ZNF787: variants seen among roughly 807,000 people sequenced by gnomAD.
ZNF787 encodes the protein zinc finger protein 787.
Under a neutral mutation model 16.9 loss-of-function variants are expected in ZNF787, and 7 were observed. The observed-to-expected ratio is 0.42, with a 90% CI of 0.24 to 0.78. The LOEUF is 0.78. Ranked by LOEUF, ZNF787 falls within the 30% of genes least tolerant of loss-of-function variation. The pLI is 0.30. For synonymous variants in ZNF787, 345 were observed against 270.9 expected (o/e 1.27, Z -2.69); for missense variants, 551 against 589.3 (o/e 0.94, Z 0.67).
chr19:56,106,854 A>G (rs527995637), intron 1 of ZNF787, among the ~76,000 whole-genome samples: 1 of 27,628 alleles, frequency 3.6e-5, no homozygotes, highest in African/African-American at 1.4e-4. Context: ...TGGGGCTTCC[A>G]CCTGAGCACC....
intron 1 of ZNF787, among the ~76,000 whole-genome samples, chr19:56,106,848 G>A (rs184903497): frequency 5.0e-5 from 1 of 19,920 alleles, no homozygotes; most frequent in African/African-American, 1.9e-4. Flanking sequence ...GAACAGTGGG[G>A]CTTCCACCTG....
intron 1 of ZNF787, among the ~76,000 whole-genome samples, chr19:56,117,813 C>T (rs1474813576): frequency 1.3e-5 from 2 of 152,236 alleles, no homozygotes; most frequent in Non-Finnish European, 2.9e-5. Flanking sequence ...ACACAGCAGC[C>T]TCAGGAATCC....
At chr19:56,089,871 G>A (rs370665487) in intron 2 of ZNF787, among the ~76,000 whole-genome samples, 104 of 152,260 alleles carry the variant, frequency 6.8e-4, no homozygotes, top group African/African-American at 2.5e-3. Flanking sequence ...CCTGCCCCTG[G>A]GGGCTCTCCC....
chr19:56,088,113 GCT>G lies in ZNF787; in HGVS notation c.1057_1058del (p.Ser353LeufsTer109). 1 of 1,540,908 alleles carries G rather than the reference GCT, an allele frequency of 6.5e-7. No homozygotes were observed. The highest frequency in any genetic ancestry group is 8.7e-7 in the Non-Finnish European group (1 of 1,150,308). On this transcript the variant is annotated frameshift_variant, in exon 3 of 3. Transcript: ENST00000610935. LOFTEE classifies it low-confidence loss of function (END_TRUNC). This position sits in a 1 kb window ranked among gnomAD's most constrained non-coding sequence, Gnocchi z 8.6. ...CCTCCTCCCCGCCCGCGCGGTAGTA[GCT>G]CTGTCCGCAGCTGCTGCAGACCGAG... ...APSVCSSCGQSYYRAGGEEED... is the reference protein window; with the variant it reads ...APSVCSSCGQXYYRAGGEEED...
intron 2 of ZNF787, among the ~76,000 whole-genome samples, chr19:56,097,013 C>T (rs1325188856): frequency 6.6e-6 from 1 of 152,156 alleles, no homozygotes; most frequent in Non-Finnish European, 1.5e-5. Flanking sequence ...GGTTAGGAAG[C>T]GCCAGTCAGC....
In ZNF787 at chr19:56,088,609, C is replaced by A. The variant is rs765130005; in HGVS notation, c.563G>T (p.Ser188Ile). The part of the protein sequence containing the change: ...FVCPRCGRGF[S>I]QPKSLARHLR... ...GTGACGCGCGAGGCTCTTGGGCTGGCTGAAGCCGCGGCCGCAGCGCGGGCA... is the reference window on the plus strand; with the variant it reads ...GTGACGCGCGAGGCTCTTGGGCTGGATGAAGCCGCGGCCGCAGCGCGGGCA... Residue 188 changes from serine (S) to isoleucine (I), a missense_variant, in exon 3 of 3, where the codon AGC becomes ATC. Ser to Ile is a moderately radical substitution (Grantham distance 142). Around this residue, in one of 4 missense-constraint regions of ZNF787, gnomAD observed 392 missense variants for 312.7 expected, o/e 1.25. Coordinates refer to ENST00000610935, the MANE Select transcript of ZNF787 (RefSeq NM_001002836.4). This position sits in a 1 kb window ranked among gnomAD's most constrained non-coding sequence, Gnocchi z 8.6. 1.3e-5 allele frequency: 20 copies of A among 1,520,162 alleles called. No individual in the cohort carries two copies. The African/African-American group carries it at 2.3e-4, about 17-fold the overall frequency. The allele number at this position is 1,520,162 out of a possible 1,614,324, so 94.2% of individuals were successfully genotyped here.
chr19:56,096,705 T>G (rs1318813746), intron 2 of ZNF787, among the ~76,000 whole-genome samples: 2 of 152,004 alleles, frequency 1.3e-5, no homozygotes, highest in Admixed American at 6.6e-5. Flanking sequence ...AGAGTGAGAC[T>G]CCGTCTCAGA....
chr19:56,120,553 G>C (rs1301163607), intron 1 of ZNF787, among the ~76,000 whole-genome samples: 1 of 152,160 alleles, frequency 6.6e-6, no homozygotes, highest in Non-Finnish European at 1.5e-5. Flanking sequence ...CAGAATCCCC[G>C]TAATTACCCG....
At position 56,109,473 on chromosome 19, in the gene ZNF787, T is replaced by C. The variant is rs146393341; in HGVS notation, c.-10-6246A>G. On this transcript the variant is annotated intron_variant, in intron 1 of 2. Coordinates refer to ENST00000610935, the MANE Select transcript of ZNF787 (RefSeq NM_001002836.4). Reference sequence around the variant, plus strand: ...AGAGACAGCTGCACACACCAACCCTTATCTCCCTCAGCCTCCCCAAGGATT... The same window carrying C: ...AGAGACAGCTGCACACACCAACCCTCATCTCCCTCAGCCTCCCCAAGGATT... Among the ~76,000 whole-genome samples, 467 of 152,280 alleles carry C rather than the reference T, an allele frequency of 3.1e-3. 3 individuals carry two copies. Among genetic ancestry groups the C allele is most frequent in the Middle Eastern group, 0.01 (3 of 294 alleles).
At chr19:56,099,741 G>A (rs1288196109) in intron 2 of ZNF787, among the ~76,000 whole-genome samples, 1 of 149,728 alleles carries the variant, frequency 6.7e-6, no homozygotes, top group Admixed American at 6.7e-5. Context: ...GAGAGAGAGA[G>A]AAAGGACGAG....
intron 1 of ZNF787, among the ~76,000 whole-genome samples, chr19:56,120,817 C>A (rs1233189049): frequency 4.7e-5 from 7 of 149,118 alleles, no homozygotes; most frequent in Non-Finnish European, 9.0e-5. Context: ...CCACCCCCGA[C>A]GGCCCGCAGC....
At chr19:56,115,242 G>C (rs2030096805) in intron 1 of ZNF787, among the ~76,000 whole-genome samples, 1 of 152,092 alleles carries the variant, frequency 6.6e-6, no homozygotes, top group African/African-American at 2.4e-5. Flanking sequence ...TTCTCCTAGA[G>C]CACAGCCTGC....
chr19:56,096,144 A>G (rs1321595344), intron 2 of ZNF787, among the ~76,000 whole-genome samples: 3 of 152,118 alleles, frequency 2.0e-5, no homozygotes, highest in African/African-American at 7.2e-5. Flanking sequence ...TCGTAGTCCC[A>G]ACTACTTAGG....
intron 1 of ZNF787, among the ~76,000 whole-genome samples, chr19:56,109,412 G>A (rs1424078181): frequency 2.0e-5 from 3 of 152,184 alleles, no homozygotes; most frequent in Non-Finnish European, 4.4e-5. Context: ...TAGAGGAAGA[G>A]GACGTGCTCA....
intron 1 of ZNF787, among the ~76,000 whole-genome samples, chr19:56,120,193 G>A (rs1308211794): frequency 6.6e-6 from 1 of 152,200 alleles, no homozygotes; most frequent in Non-Finnish European, 1.5e-5. Flanking sequence ...CTAGTGCCCG[G>A]CACAGGGCCT....
chr19:56,096,810 A>G (rs57282625), intron 2 of ZNF787, among the ~76,000 whole-genome samples: 2 of 152,232 alleles, frequency 1.3e-5, no homozygotes, highest in African/African-American at 2.4e-5. Context: ...GGGCAGCCAG[A>G]ACTCCAGCTG....
rs534163014 is a variant in ZNF787, at chr19:56,106,201, G to A, written c.-10-2974C>T. Among the ~76,000 whole-genome samples, 16 of 152,330 alleles carry A rather than the reference G, an allele frequency of 1.1e-4. No homozygotes were observed. The South Asian group carries it at 2.9e-3, about 28-fold the overall frequency. On this transcript the variant is annotated intron_variant, in intron 1 of 2. Transcript: ENST00000610935. ...GCTGCCGTGTGCTCTGCACAGGAGA[G>A]GGACAGCATCTGTTCCTGCGTGTCT... is the stretch of plus-strand genomic sequence containing the variant.
intron 2 of ZNF787, among the ~76,000 whole-genome samples, chr19:56,100,423 C>T (rs1986045876): frequency 6.6e-6 from 1 of 152,196 alleles, no homozygotes; most frequent in Admixed American, 6.5e-5. Flanking sequence ...GAGGACCCCA[C>T]AAGGTAGGCT....
intron 2 of ZNF787, among the ~76,000 whole-genome samples, chr19:56,093,899 G>A (rs1373314570): frequency 1.3e-5 from 2 of 152,210 alleles, no homozygotes; most frequent in Non-Finnish European, 2.9e-5. Context: ...GGTGTTCCTT[G>A]AATGAGTTTT....
Sources: gnomAD v4.1 joint callset for allele counts (sites outside exome capture counted in the v4.1 genomes callset) on GRCh38, gnomAD v4.1.1 for gene constraint, gnomAD v4.1.1 regional missense constraint, Gnocchi (gnomAD v3.1) non-coding constraint, MANE v1.5 for transcripts, NCBI Gene and HGNC (gene_info 2026-07-23, HGNC 2026-07-21) for gene names.